Variants in FCRL3 observed in about 807,000 individuals in gnomAD.
The protein encoded by FCRL3 is Fc receptor-like protein 3.
In FCRL3, 89 loss-of-function variants were observed where a neutral mutation model predicts 75.0. The ratio of observed to expected loss-of-function variants is 1.19; its 90% CI spans 1.00 to 1.42. The LOEUF (loss-of-function observed/expected upper bound fraction) is 1.42, where lower values mean the gene tolerates loss of function less well. Among genes scored for constraint, FCRL3 ranks in the 40% most tolerant of loss-of-function variants. FCRL3 has a pLI of 0.00. For synonymous variants in FCRL3, 376 were observed against 348.5 expected, an observed-to-expected ratio of 1.08 and a Z score of -0.88; for missense variants, 946 against 880.0, an observed-to-expected ratio of 1.07 and a Z score of -0.95.
At position 157,676,821 on chromosome 1, in the gene FCRL3, C is replaced by T; in HGVS notation, c.*1889G>A. 1 of 1,547,674 alleles carries T rather than the reference C, an allele frequency of 6.5e-7. No homozygotes were observed. The highest frequency in any genetic ancestry group is 2.0e-5 in the Admixed American group (1 of 50,912). ...GATGACAGGTCCCTTAGAGAAAGTTCACTATAAGGCACAAAGGGGCTTGGC... is the reference window on the plus strand; with the variant it reads ...GATGACAGGTCCCTTAGAGAAAGTTTACTATAAGGCACAAAGGGGCTTGGC... On this transcript the variant is annotated 3_prime_UTR_variant, in exon 15 of 15. Coordinates refer to ENST00000368184, the MANE Select transcript of FCRL3 (RefSeq NM_052939.4).
chr1:157,681,642 T>C (rs1321668108), intron 11 of FCRL3, among the ~76,000 whole-genome samples: 2 of 152,148 alleles, frequency 1.3e-5, no homozygotes, highest in African/African-American at 2.4e-5. Flanking sequence ...CAGTCTATTG[T>C]TGTTGGACAT....
chr1:157,676,924 C>A lies in FCRL3; in HGVS notation c.*1786G>T. The stretch of plus-strand genomic sequence containing the variant: ...CAGCCTGGTGGTTGGTACCCAAAAC[C>A]GGTTTACATATTTTCACCATAGAGA... On this transcript the variant is annotated 3_prime_UTR_variant, in exon 15 of 15. Transcript: ENST00000368184. 7.0e-7 allele frequency: 1 copy of A among 1,424,866 alleles called. No individual in the cohort carries two copies. The highest frequency in any genetic ancestry group is 9.2e-7 in the Non-Finnish European group (1 of 1,091,602). 88.3% of individuals were successfully genotyped at this position (1,424,866 alleles called of 1,614,324 possible). A position where few individuals can be genotyped will look rare whatever the true frequency, so the allele number is the denominator to read the frequency against.
chr1:157,698,234 C>T (rs893385348), intron 4 of FCRL3, 150 bp downstream of exon 4: 7 of 984,012 alleles, frequency 7.1e-6, no homozygotes, highest in Non-Finnish European at 1.1e-5. Flanking sequence ...CAGCATCATG[C>T]TGCTGCCCTA....
chr1:157,689,158 A>G (rs1044069848), intron 10 of FCRL3, among the ~76,000 whole-genome samples: 4 of 152,224 alleles, frequency 2.6e-5, no homozygotes, highest in East Asian at 3.8e-4. Context: ...GGTTCTAACC[A>G]GTGCAATTAA....
chr1:157,677,318 A>T lies in FCRL3; in HGVS notation c.*1392T>A. 2 of 987,752 alleles carry T rather than the reference A, an allele frequency of 2.0e-6. No homozygotes were observed. The highest frequency in any genetic ancestry group is 2.4e-6 in the Non-Finnish European group (2 of 831,296). The allele number at this position is 987,752 out of a possible 1,614,324, so 61.2% of individuals were successfully genotyped here. A position where few individuals can be genotyped will look rare whatever the true frequency, so the allele number is the denominator to read the frequency against. ...AAATGGTGATTGTTTGAATGCATGT[A>T]AGACATTCCCTAGGGACTCCAAGAA... On this transcript the variant is annotated 3_prime_UTR_variant, in exon 15 of 15. Transcript: ENST00000368184.
intron 3 of FCRL3, 89 bp from the exon 4 acceptor site, chr1:157,698,718 T>C: frequency 7.3e-7 from 1 of 1,372,252 alleles, no homozygotes; most frequent in South Asian, 1.3e-5. Flanking sequence ...GTCAGGAGTT[T>C]TCCTGGACTA....
rs973137280 is a variant in FCRL3, at chr1:157,677,089, C to T, written c.*1621G>A. On this transcript the variant is annotated 3_prime_UTR_variant, in exon 15 of 15. Coordinates refer to ENST00000368184, the MANE Select transcript of FCRL3 (RefSeq NM_052939.4). ...AGTACGGGCAGGACATCATGCCCTG[C>T]ACTCAAAGGCCAGGATAAGGGTAAC... 1 of 1,116,098 alleles carries T rather than the reference C, an allele frequency of 9.0e-7. No homozygotes were observed. Among genetic ancestry groups the T allele is most frequent in the African/African-American group, 1.6e-5 (1 of 62,352 alleles). The allele number at this position is 1,116,098 out of a possible 1,614,324, so 69.1% of individuals were successfully genotyped here.
chr1:157,682,950 G>T (rs1654939915), intron 11 of FCRL3, among the ~76,000 whole-genome samples: 1 of 152,196 alleles, frequency 6.6e-6, no homozygotes, highest in Admixed American at 6.5e-5. Flanking sequence ...TAAGACATTA[G>T]TGGTCAAGTC....
At chr1:157,686,523 T>G (rs913711886) in intron 10 of FCRL3, among the ~76,000 whole-genome samples, 3 of 151,822 alleles carry the variant, frequency 2.0e-5, no homozygotes, top group African/African-American at 4.8e-5. Flanking sequence ...GCATCACACC[T>G]CACAACTTCA....
intron 8 of FCRL3, 35 bp downstream of exon 8, chr1:157,695,294 T>C: frequency 6.3e-7 from 1 of 1,590,476 alleles, no homozygotes; most frequent in Non-Finnish European, 8.6e-7. Context: ...ATCTGTTGTA[T>C]TGGCTGTTAA....
intron 3 of FCRL3, among the ~76,000 whole-genome samples, chr1:157,698,926 A>G (rs924594559): frequency 3.9e-5 from 6 of 152,242 alleles, no homozygotes; most frequent in African/African-American, 9.6e-5. Flanking sequence ...CGAAGGCCTC[A>G]GAATGTGGCT....
chr1:157,689,542 A>C (rs1226891321), intron 10 of FCRL3, among the ~76,000 whole-genome samples: 1 of 152,174 alleles, frequency 6.6e-6, no homozygotes. Context: ...TGAGTTAATT[A>C]ATTTTCTAAT....
Position 157,695,464 on chromosome 1 carries a change from T to A in FCRL3, c.1276A>T (p.Asn426Tyr). The change falls in exon 8 of 15, where the codon AAC (asparagine) becomes TAC (tyrosine). Residue 426 changes from asparagine to tyrosine, a missense_variant. Transcript: ENST00000368184. ...RFYHEDVTLG[N>Y]SSAPSGGGAS... ...CCTCCTCCAGAGGGGGCTGAGCTGTTCCCCAGGGTGACATCCTCATGATAA... is the reference window on the plus strand; with the variant it reads ...CCTCCTCCAGAGGGGGCTGAGCTGTACCCCAGGGTGACATCCTCATGATAA... The A allele has an allele frequency of 6.2e-7, 1 of 1,614,138 alleles. No homozygotes were observed. Among genetic ancestry groups the A allele is most frequent in the Non-Finnish European group, 8.5e-7 (1 of 1,180,028 alleles).
chr1:157,699,782 T>C, intron 2 of FCRL3, 70 bp from the exon 3 acceptor site: 5 of 1,540,450 alleles, frequency 3.2e-6, no homozygotes, highest in South Asian at 2.3e-5. Flanking sequence ...CCACAACCAC[T>C]TCTTTTGTTT....
At chr1:157,699,838 T>G in intron 2 of FCRL3, 126 bp from the exon 3 acceptor site, 1 of 1,020,902 alleles carries the variant, frequency 9.8e-7, no homozygotes. Context: ...CCAGAGCCCC[T>G]AAACAACAAA....
chr1:157,688,526 G>A (rs562812860), intron 10 of FCRL3, among the ~76,000 whole-genome samples: 27 of 151,514 alleles, frequency 1.8e-4, no homozygotes, highest in Admixed American at 3.9e-4. Flanking sequence ...GATAGATCAG[G>A]TAGACAAAAA....
intron 8 of FCRL3, chr1:157,691,653 G>A (rs1294531560): frequency 6.6e-6 from 1 of 152,192 alleles, no homozygotes; most frequent in African/African-American, 2.4e-5. Context: ...TAAATATGAA[G>A]TGACCTGGGC....
At chr1:157,679,834 A>G (rs1571186575) in intron 13 of FCRL3, among the ~76,000 whole-genome samples, 1 of 126,842 alleles carries the variant, frequency 7.9e-6, no homozygotes, top group Non-Finnish European at 1.5e-5. Context: ...ATCTCACAAA[A>G]AAAAAAAAAA....
chr1:157,700,838 A>G (rs1038097311), upstream of FCRL3: 13 of 847,016 alleles, frequency 1.5e-5, no homozygotes, highest in Admixed American at 4.2e-5. Flanking sequence ...TGTATTTTTC[A>G]TATGGGAAAC....
Sources: gnomAD v4.1 joint callset for allele counts (sites outside exome capture counted in the v4.1 genomes callset) on GRCh38, gnomAD v4.1.1 for gene constraint, MANE v1.5 for transcripts, NCBI Gene and HGNC (gene_info 2026-07-23, HGNC 2026-07-21) for gene names.